CTNND2: variants seen among roughly 807,000 people sequenced by gnomAD.
CTNND2 encodes the protein catenin delta-2.
In CTNND2, 22 loss-of-function variants were observed where a neutral mutation model predicts 144.4. That is an observed-to-expected ratio of 0.15 (90% confidence interval 0.11 to 0.22). The LOEUF is 0.22. CTNND2 is among the 10% of genes least tolerant of loss of function. The probability of loss-of-function intolerance (pLI) is 1.00; values close to 1 mark genes in which losing one functional copy is unlikely to be tolerated. For synonymous variants in CTNND2, 751 were observed against 695.6 expected, an observed-to-expected ratio of 1.08 and a Z score of -1.25; for missense variants, 1,353 against 1,618.8, an observed-to-expected ratio of 0.84 and a Z score of 2.82.
At chr5:11,571,983 C>T (rs1360587592) in intron 2 of CTNND2, among the ~76,000 whole-genome samples, 1 of 151,982 alleles carries the variant, frequency 6.6e-6, no homozygotes, top group Non-Finnish European at 1.5e-5. Flanking sequence ...CTTTATTTAC[C>T]CACTCTCTAT....
chr5:11,790,215 CT>C (rs1215964153), intron 1 of CTNND2, among the ~76,000 whole-genome samples: 2 of 152,110 alleles, frequency 1.3e-5, no homozygotes, highest in South Asian at 4.1e-4. Context: ...CAAAAATAAA[CT>C]TTTTTTGGTT....
intron 1 of CTNND2, among the ~76,000 whole-genome samples, chr5:11,863,813 T>C (rs2127031576): frequency 6.6e-6 from 1 of 152,322 alleles, no homozygotes; most frequent in East Asian, 1.9e-4. Flanking sequence ...TGATGCAGTG[T>C]TGTCTGACAC....
At chr5:11,476,307 T>C (rs1767739773) in intron 3 of CTNND2, among the ~76,000 whole-genome samples, 1 of 152,186 alleles carries the variant, frequency 6.6e-6, no homozygotes, top group African/African-American at 2.4e-5. Flanking sequence ...TAATTACCAA[T>C]GAGGGTTATT....
chr5:11,770,412 GA>G (rs1554118285), intron 1 of CTNND2, among the ~76,000 whole-genome samples: 1 of 7,780 alleles, frequency 1.3e-4, no homozygotes. Flanking sequence ...AGAAAAAAAG[GA>G]AAGAAGGAAG....
At chr5:11,420,334 A>C (rs1762268518) in intron 3 of CTNND2, among the ~76,000 whole-genome samples, 1 of 152,152 alleles carries the variant, frequency 6.6e-6, no homozygotes, top group African/African-American at 2.4e-5. Context: ...AAAAACAAAA[A>C]CAAAAACAAA....
At chr5:11,335,238 C>T (rs1297075018) in intron 9 of CTNND2, among the ~76,000 whole-genome samples, 3 of 152,184 alleles carry the variant, frequency 2.0e-5, no homozygotes, top group African/African-American at 7.2e-5. Context: ...CTATAAAATG[C>T]TAATCTTCTC....
chr5:11,166,511 AGTGCTGG>A (rs1759347300), intron 11 of CTNND2, among the ~76,000 whole-genome samples: 1 of 151,914 alleles, frequency 6.6e-6, no homozygotes, highest in Admixed American at 6.6e-5. Flanking sequence ...GGCCTCCCAA[AGTGCTGG>A]GATTACAGGC....
rs1459431460 is a variant in CTNND2, at chr5:11,384,814, G to C, written c.1028C>G (p.Ser343Cys). 6.2e-7 allele frequency: 1 copy of C among 1,613,350 alleles called. No homozygotes were observed. Among genetic ancestry groups the C allele is most frequent in the Non-Finnish European group, 8.5e-7 (1 of 1,179,772 alleles). Residue 343 changes from serine to cysteine, a missense_variant, in exon 7 of 22, where the codon TCC (serine) becomes TGC (cysteine). This residue lies in a region of CTNND2 where 708 missense variants were observed against 706.4 expected (regional missense o/e 1.00). Transcript: ENST00000304623. The surrounding 1 kb of genome is among the most constrained non-coding windows in gnomAD (Gnocchi z 5.2). ...GGAGCTCAGCTGGTGGATGGGCGAG[G>C]AGGAGATGGTGGACTGCACGGTGGG... The part of the protein sequence containing the change: ...SPPTVQSTIS[S>C]SPIHQLSSTI...
intron 1 of CTNND2, among the ~76,000 whole-genome samples, chr5:11,763,631 T>G (rs1789404776): frequency 6.6e-6 from 1 of 152,220 alleles, no homozygotes; most frequent in South Asian, 2.1e-4. Flanking sequence ...GGAAATGGCT[T>G]CCCTGAATGC....
At chr5:11,235,137 G>A (rs1018362605) in intron 10 of CTNND2, among the ~76,000 whole-genome samples, 8 of 152,074 alleles carry the variant, frequency 5.3e-5, no homozygotes, top group Non-Finnish European at 1.0e-4. Flanking sequence ...ATCCCACTTC[G>A]GCGGGGCACT....
intron 2 of CTNND2, among the ~76,000 whole-genome samples, chr5:11,609,044 T>C (rs974830320): frequency 2.0e-5 from 3 of 152,168 alleles, no homozygotes; most frequent in Non-Finnish European, 4.4e-5. Context: ...CTTCCTCTAC[T>C]AGTCCTGTGA....
chr5:11,093,234 A>T (rs985149408), intron 15 of CTNND2, among the ~76,000 whole-genome samples: 2 of 152,242 alleles, frequency 1.3e-5, no homozygotes, highest in African/African-American at 4.8e-5. Flanking sequence ...ATATTTCTAC[A>T]GTTCAAATCC....
chr5:11,416,693 T>C (rs540951360), intron 3 of CTNND2, among the ~76,000 whole-genome samples: 4 of 152,296 alleles, frequency 2.6e-5, no homozygotes. Context: ...GAATTACCTG[T>C]GGTAAATTTT....
chr5:11,450,952 A>C (rs1390073728), intron 3 of CTNND2, among the ~76,000 whole-genome samples: 1 of 150,804 alleles, frequency 6.6e-6, no homozygotes, highest in African/African-American at 2.4e-5. Context: ...TTTTATGGGT[A>C]GTTTCCTTCA....
chr5:11,466,759 G>C (rs1766713759), intron 3 of CTNND2, among the ~76,000 whole-genome samples: 2 of 152,144 alleles, frequency 1.3e-5, no homozygotes, highest in African/African-American at 4.8e-5. Context: ...GACCATCAGT[G>C]GGAAAGTCAC....
intron 2 of CTNND2, among the ~76,000 whole-genome samples, chr5:11,589,795 T>A (rs1179376764): frequency 6.6e-6 from 1 of 152,192 alleles, no homozygotes; most frequent in Non-Finnish European, 1.5e-5. Context: ...CATTTTATAA[T>A]TAGACGACCT....
chr5:11,617,010 C>T (rs924407994), intron 2 of CTNND2, among the ~76,000 whole-genome samples: 1 of 152,126 alleles, frequency 6.6e-6, no homozygotes, highest in Non-Finnish European at 1.5e-5. Flanking sequence ...CCTTTGCATA[C>T]ATTTTCTTCC....
At chr5:11,129,306 A>ATATAAATATATAT (rs1232064339) in intron 12 of CTNND2, among the ~76,000 whole-genome samples, 3 of 76,698 alleles carry the variant, frequency 3.9e-5, no homozygotes, top group African/African-American at 2.4e-4. Flanking sequence ...TATATATTAT[A>ATATAAATATATAT]TATATAAATA....
intron 2 of CTNND2, among the ~76,000 whole-genome samples, chr5:11,665,944 A>C (rs1340875109): frequency 2.6e-5 from 4 of 152,200 alleles, no homozygotes. Flanking sequence ...GATAATCATC[A>C]ATCAGGAATC....
Sources: gnomAD v4.1 joint callset for allele counts (sites outside exome capture counted in the v4.1 genomes callset) on GRCh38, gnomAD v4.1.1 for gene constraint, gnomAD v4.1.1 regional missense constraint, Gnocchi (gnomAD v3.1) non-coding constraint, MANE v1.5 for transcripts, NCBI Gene and HGNC (gene_info 2026-07-23, HGNC 2026-07-21) for gene names.